DOCK3: variants seen among roughly 807,000 people sequenced by gnomAD.
The protein encoded by DOCK3 is dedicator of cytokinesis 3.
Under a neutral mutation model 265.6 loss-of-function variants are expected in DOCK3, and 60 were observed. The observed-to-expected ratio is 0.23, with a 90% confidence interval of 0.18 to 0.28. The LOEUF is 0.28. Ranked by LOEUF, DOCK3 falls within the 10% of genes least tolerant of loss-of-function variation. The probability of loss-of-function intolerance (pLI) is 1.00; values close to 1 mark genes in which losing one functional copy is unlikely to be tolerated. For missense variants in DOCK3, 1,981 were observed against 2,594.3 expected (o/e 0.76, Z 5.14); for synonymous variants, 881 against 938.0 (o/e 0.94, Z 1.11).
At chr3:51,112,697 GA>G (rs2083572483) in intron 9 of DOCK3, among the ~76,000 whole-genome samples, 1 of 152,194 alleles carries the variant, frequency 6.6e-6, no homozygotes, top group African/African-American at 2.4e-5. Context: ...AGTGTATGTA[GA>G]AGCCATTAGC....
intron 2 of DOCK3, among the ~76,000 whole-genome samples, chr3:50,782,749 A>G (rs1032946999): frequency 2.0e-5 from 3 of 151,964 alleles, no homozygotes; most frequent in African/African-American, 7.3e-5. Flanking sequence ...AGCAGTGTAC[A>G]CTGTACCCAA....
chr3:50,699,126 T>C (rs563947252), intron 1 of DOCK3, among the ~76,000 whole-genome samples: 2 of 152,346 alleles, frequency 1.3e-5, no homozygotes, highest in East Asian at 1.9e-4. Flanking sequence ...TTCATTCTTT[T>C]GTATGTGGAT....
At chr3:50,849,633 A>G (rs2046266138) in intron 3 of DOCK3, among the ~76,000 whole-genome samples, 1 of 152,178 alleles carries the variant, frequency 6.6e-6, no homozygotes, top group African/African-American at 2.4e-5. Flanking sequence ...GTAATTAAAC[A>G]GGCACAGGAA....
rs865890744 is a variant in DOCK3, at chr3:50,953,739, A to G, written c.315+19662A>G. 9.9e-5 allele frequency among the ~76,000 whole-genome samples: 15 copies of G among 152,252 alleles called. No homozygotes were observed. In the South Asian group the frequency reaches 1.4e-3, roughly 15 times the overall value. ...CTCAGCTAAAATTTCACCTCCTCAC[A>G]TTAATTTTTGCAGAGTGGGCAAAGA... On this transcript the variant is annotated intron_variant, in intron 5 of 52. Coordinates refer to ENST00000266037, the MANE Select transcript of DOCK3 (RefSeq NM_004947.5).
At chr3:51,148,668 T>C (rs1420921322) in intron 10 of DOCK3, among the ~76,000 whole-genome samples, 1 of 152,238 alleles carries the variant, frequency 6.6e-6, no homozygotes, top group Non-Finnish European at 1.5e-5. Context: ...TGTGGTGTTA[T>C]TTCTGAGACC....
intron 5 of DOCK3, among the ~76,000 whole-genome samples, chr3:51,039,883 CTTTTTT>C (rs60370676): frequency 2.0e-5 from 2 of 99,858 alleles, no homozygotes; most frequent in African/African-American, 7.8e-5. Flanking sequence ...GCTTTGAGGT[CTTTTTT>C]TTTTTTTTTT....
chr3:51,356,350 G>C (rs2086362507), intron 42 of DOCK3, 57 bp from the exon 43 acceptor site: 42 of 1,612,218 alleles, frequency 2.6e-5, no homozygotes, highest in South Asian at 5.5e-5. Context: ...CCCTCAGGTA[G>C]GCAGGGTGTG....
chr3:50,715,712 A>G (rs757639037), intron 1 of DOCK3, among the ~76,000 whole-genome samples: 18 of 152,150 alleles, frequency 1.2e-4, no homozygotes, highest in Non-Finnish European at 1.9e-4. Context: ...CCATAGTTCC[A>G]ACCAGGTAGA....
At chr3:50,806,042 G>A (rs2043392561) in intron 2 of DOCK3, among the ~76,000 whole-genome samples, 1 of 152,006 alleles carries the variant, frequency 6.6e-6, no homozygotes, top group South Asian at 2.1e-4. Flanking sequence ...GTAGAGGGTG[G>A]CCCACAGGGC....
At chr3:51,099,699 C>G (rs989769053) in intron 9 of DOCK3, among the ~76,000 whole-genome samples, 1 of 152,246 alleles carries the variant, frequency 6.6e-6, no homozygotes, top group East Asian at 1.9e-4. Context: ...AGTAATATGG[C>G]AGTGGATAAA....
At chr3:50,975,263 T>C (rs1466009316) in intron 5 of DOCK3, among the ~76,000 whole-genome samples, 10 of 151,296 alleles carry the variant, frequency 6.6e-5, no homozygotes, top group African/African-American at 2.4e-4. Flanking sequence ...TTCAGTATGA[T>C]ATTGGCTGTG....
intron 7 of DOCK3, among the ~76,000 whole-genome samples, chr3:51,085,640 C>T (rs996215893): frequency 1.3e-5 from 2 of 152,030 alleles, no homozygotes; most frequent in Non-Finnish European, 2.9e-5. Flanking sequence ...GGAAACACAA[C>T]ATATCCAAAT....
chr3:50,943,753 C>T (rs1325552951), intron 5 of DOCK3, among the ~76,000 whole-genome samples: 3 of 151,986 alleles, frequency 2.0e-5, no homozygotes, highest in Non-Finnish European at 1.5e-5. Flanking sequence ...ACTTAATTTG[C>T]TACGTTTACC....
intron 5 of DOCK3, among the ~76,000 whole-genome samples, chr3:51,047,680 G>A (rs192435791): frequency 1.1e-4 from 17 of 152,094 alleles, no homozygotes; most frequent in Admixed American, 9.8e-4. Flanking sequence ...ACAACTTCAC[G>A]AGGCTGATCA....
In DOCK3 at chr3:51,361,846, C is replaced by T. The variant is rs2086760528; in HGVS notation, c.5007-13C>T. On this transcript the variant is annotated splice_polypyrimidine_tract_variant and intron_variant, in intron 47 of 52. Coordinates refer to ENST00000266037, the MANE Select transcript of DOCK3 (RefSeq NM_004947.5). This position sits in a 1 kb window ranked among gnomAD's most constrained non-coding sequence, Gnocchi z 4.2. ...GGGCCTGACTCCTCCCTATTTCCCACTCTTGCTCACAGCCCCATGAACTTG... is the reference window on the plus strand; with the variant it reads ...GGGCCTGACTCCTCCCTATTTCCCATTCTTGCTCACAGCCCCATGAACTTG... 2 of 1,610,986 alleles carry T rather than the reference C, an allele frequency of 1.2e-6. No homozygotes were observed. The highest frequency in any genetic ancestry group is 1.3e-5 in the African/African-American group (1 of 74,918).
intron 13 of DOCK3, among the ~76,000 whole-genome samples, chr3:51,212,074 A>G (rs1327620301): frequency 6.6e-6 from 1 of 152,230 alleles, no homozygotes; most frequent in East Asian, 1.9e-4. Context: ...CCAGGGTTTC[A>G]GAACTAGGAA....
At chr3:51,291,674 GACAA>G (rs1379695741) in intron 27 of DOCK3, among the ~76,000 whole-genome samples, 2 of 152,156 alleles carry the variant, frequency 1.3e-5, no homozygotes, top group Non-Finnish European at 2.9e-5. Flanking sequence ...GACATTTACA[GACAA>G]ACTAATAATA....
chr3:51,188,808 T>G (rs918685100), intron 12 of DOCK3, among the ~76,000 whole-genome samples: 7 of 81,886 alleles, frequency 8.5e-5, no homozygotes, highest in East Asian at 3.7e-4. Flanking sequence ...GGGGTGTGGG[T>G]GTGTGTATCA....
Position 51,301,544 on chromosome 3 carries a change from T to C in DOCK3, c.2923-8688T>C, listed in dbSNP as rs376858824. Among the ~76,000 whole-genome samples, 8 of 152,292 alleles carry C rather than the reference T, an allele frequency of 5.3e-5. No individual in the cohort carries two copies. In the East Asian group the frequency reaches 1.2e-3, roughly 22 times the overall value. ...TTTCTAGCTTTTTGATGTGGGCATT[T>C]AGTGCTATAAATTTCCCTCTTAACA... On this transcript the variant is annotated intron_variant, in intron 27 of 52. Coordinates refer to ENST00000266037, the MANE Select transcript of DOCK3 (RefSeq NM_004947.5).
Sources: gnomAD v4.1 joint callset for allele counts (sites outside exome capture counted in the v4.1 genomes callset) on GRCh38, gnomAD v4.1.1 for gene constraint, Gnocchi (gnomAD v3.1) non-coding constraint, MANE v1.5 for transcripts, NCBI Gene and HGNC (gene_info 2026-07-23, HGNC 2026-07-21) for gene names.